TG: variants seen among roughly 807,000 people sequenced by gnomAD.
The protein encoded by TG is thyroglobulin, also known as thyroid hormones.
In TG, 270 loss-of-function variants were observed where a neutral mutation model predicts 324.7. The ratio of observed to expected loss-of-function variants is 0.83; its 90% CI spans 0.75 to 0.92. The LOEUF (loss-of-function observed/expected upper bound fraction) is 0.92, where lower values mean the gene tolerates loss of function less well. TG is among the 40% of genes least tolerant of loss of function. TG has a pLI of 0.00. For missense variants in TG, 3,591 were observed against 3,456.4 expected, an observed-to-expected ratio of 1.04 and a Z score of -0.98; for synonymous variants, 1,401 against 1,327.0, an observed-to-expected ratio of 1.06 and a Z score of -1.21.
intron 41 of TG, chr8:133,040,343 C>CCTG: frequency 1.8e-6 from 1 of 565,490 alleles, no homozygotes; most frequent in Admixed American, 3.1e-5. Flanking sequence ...ATACTCTGCA[C>CCTG]TTAGCCAGGC....
chr8:133,042,676 G>GTGTT (rs1838483510), intron 41 of TG, among the ~76,000 whole-genome samples: 1 of 55,582 alleles, frequency 1.8e-5, no homozygotes, highest in Non-Finnish European at 3.4e-5. Context: ...CTCATTCTGT[G>GTGTT]TCTTTTTTTT....
intron 13 of TG, 103 bp downstream of exon 13, chr8:132,898,349 C>A: frequency 8.6e-7 from 1 of 1,161,402 alleles, no homozygotes; most frequent in South Asian, 1.3e-5. Flanking sequence ...TGGCCCAGCC[C>A]TTCAGCCAGG....
In TG at chr8:132,872,985, C is replaced by T. The variant is rs1256992715; in HGVS notation, c.479-77C>T. The T allele has an allele frequency of 1.6e-5, 24 of 1,494,104 alleles. No individual in the cohort carries two copies. In the East Asian group the frequency reaches 3.4e-4, roughly 21 times the overall value. The allele number at this position is 1,494,104 out of a possible 1,614,324, so 92.6% of individuals were successfully genotyped here. ...AGCTCATCCCCATTGCTAAGGGACA[C>T]GAGTGCATATGCTGCTCGACTGCAG... On this transcript the variant is annotated intron_variant, in intron 4 of 47. Transcript: ENST00000220616.
chr8:133,009,790 C>T (rs1465913361), intron 35 of TG, among the ~76,000 whole-genome samples: 1 of 151,710 alleles, frequency 6.6e-6, no homozygotes, highest in African/African-American at 2.4e-5. Context: ...AGAAAGAGGG[C>T]ACCACCAAGA....
chr8:132,980,539 G>A (rs957459084), intron 34 of TG, among the ~76,000 whole-genome samples: 2 of 152,054 alleles, frequency 1.3e-5, no homozygotes, highest in African/African-American at 4.8e-5. Flanking sequence ...TTAATAGATA[G>A]TGGTTTCCCT....
intron 41 of TG, among the ~76,000 whole-genome samples, chr8:133,035,665 C>T (rs1269052686): frequency 6.6e-6 from 1 of 152,140 alleles, no homozygotes; most frequent in Non-Finnish European, 1.5e-5. Flanking sequence ...ATGTTTTGTT[C>T]CTTTTGCACA....
At chr8:133,119,799 C>T (rs1396094154) in intron 45 of TG, among the ~76,000 whole-genome samples, 4 of 152,176 alleles carry the variant, frequency 2.6e-5, no homozygotes, top group Non-Finnish European at 2.9e-5. Flanking sequence ...AACCCACCCG[C>T]GGCTTCTCTG....
Position 133,026,317 on chromosome 8 carries a change from C to T in TG, c.7037-3504C>T, listed in dbSNP as rs539278407. Reference sequence around the variant, plus strand: ...CCAGAGGAAAACGAAAGCAGAAGCTCGTGCCAGTCCTGAGGCCCACTAGAC... The same window carrying T: ...CCAGAGGAAAACGAAAGCAGAAGCTTGTGCCAGTCCTGAGGCCCACTAGAC... On this transcript the variant is annotated intron_variant, in intron 40 of 47. Transcript: ENST00000220616. Among the ~76,000 whole-genome samples, 19 of 152,326 alleles carry T rather than the reference C, an allele frequency of 1.2e-4. 1 individual carries two copies. In the South Asian group the frequency reaches 3.3e-3, roughly 27 times the overall value.
In TG at chr8:133,039,377, G is replaced by A. The variant is rs192886524; in HGVS notation, c.7239+9354G>A. On this transcript the variant is annotated intron_variant, in intron 41 of 47. Coordinates refer to ENST00000220616, the MANE Select transcript of TG (RefSeq NM_003235.5). ...TAAATTTTAGTAAAAATTAATTTTT[G>A]TTATTTACAAGAAAGAGCAGTTTTC... Among the ~76,000 whole-genome samples the A allele has an allele frequency of 9.9e-5, 15 of 152,204 alleles. 1 individual carries two copies. In the South Asian group the frequency reaches 1.9e-3, roughly 19 times the overall value.
chr8:133,102,508 T>C, intron 43 of TG: 2 of 1,545,376 alleles, frequency 1.3e-6, no homozygotes, highest in Middle Eastern at 3.4e-4. Flanking sequence ...AGGCCACCTA[T>C]GGCCCACCCA....
chr8:132,908,365 T>C, intron 18 of TG, 25 bp downstream of exon 18: 1 of 1,516,576 alleles, frequency 6.6e-7, no homozygotes. Context: ...TTCCCCACAG[T>C]GAGGGCTTGG....
intron 34 of TG, among the ~76,000 whole-genome samples, chr8:132,980,168 A>T (rs1186800094): frequency 6.6e-6 from 1 of 152,040 alleles, no homozygotes; most frequent in Non-Finnish European, 1.5e-5. Context: ...TTCTAATAAG[A>T]TGACTGGTGG....
chr8:132,956,614 G>A (rs2687840), intron 27 of TG, among the ~76,000 whole-genome samples: 120,927 of 152,130 alleles, frequency 0.79, 48,144 homozygotes, highest in Admixed American at 0.85. Flanking sequence ...CAAGCATTCA[G>A]TGTGACTCGG....
chr8:133,113,220 A>G (rs569818746), intron 43 of TG, among the ~76,000 whole-genome samples: 59 of 152,256 alleles, frequency 3.9e-4, no homozygotes, highest in Admixed American at 1.3e-3. Context: ...AGGCACAGAG[A>G]GGGATAGCCA....
intron 35 of TG, among the ~76,000 whole-genome samples, chr8:133,006,987 A>G (rs1269620836): frequency 2.0e-5 from 3 of 152,176 alleles, no homozygotes; most frequent in Admixed American, 1.3e-4. Context: ...TATTTTGGCC[A>G]TTTTTATGTT....
chr8:132,961,899 C>T (rs1564007776), intron 28 of TG, among the ~76,000 whole-genome samples: 1 of 152,198 alleles, frequency 6.6e-6, no homozygotes, highest in Non-Finnish European at 1.5e-5. Context: ...AAGGCACAGA[C>T]TTGGAATGAT....
At chr8:133,020,019 GGATA>G (rs982135948) in intron 39 of TG, among the ~76,000 whole-genome samples, 10 of 152,150 alleles carry the variant, frequency 6.6e-5, no homozygotes, top group Admixed American at 3.3e-4. Flanking sequence ...AACTCTAGGA[GGATA>G]GATAGATTGA....
At chr8:133,000,545 G>A (rs967823267) in intron 35 of TG, among the ~76,000 whole-genome samples, 3 of 152,226 alleles carry the variant, frequency 2.0e-5, no homozygotes, top group African/African-American at 4.8e-5. Flanking sequence ...CCCCAGAGTG[G>A]TCCTTCCTTA....
intron 26 of TG, among the ~76,000 whole-genome samples, chr8:132,947,110 T>A (rs902647687): frequency 6.6e-6 from 1 of 152,210 alleles, no homozygotes; most frequent in African/African-American, 2.4e-5. Context: ...AGGCTCTTGC[T>A]GCCTGCTGGC....
Sources: allele counts gnomAD v4.1 joint callset (sites outside exome capture counted in the v4.1 genomes callset), GRCh38; gene constraint gnomAD v4.1.1; transcripts MANE v1.5; gene names NCBI Gene and HGNC (gene_info 2026-07-23, HGNC 2026-07-21).